Variants in CYP7B1 observed in about 807,000 individuals in gnomAD.
The protein encoded by CYP7B1 is cytochrome P450 7B1.
In CYP7B1, 29 loss-of-function variants were observed where a neutral mutation model predicts 42.7. The observed-to-expected ratio is 0.68, with a 90% CI of 0.51 to 0.93. The LOEUF is 0.93. Among genes scored for constraint, CYP7B1 ranks in the 40% least tolerant of loss-of-function variants. CYP7B1 has a pLI of 0.00. For synonymous variants in CYP7B1, 235 were observed against 218.2 expected (o/e 1.08, Z -0.68); for missense variants, 655 against 600.5 (o/e 1.09, Z -0.95).
At chr8:64,780,620 T>C (rs1325170573) in intron 1 of CYP7B1, among the ~76,000 whole-genome samples, 2 of 152,174 alleles carry the variant, frequency 1.3e-5, no homozygotes, top group African/African-American at 4.8e-5. Flanking sequence ...ATATAATAGA[T>C]GTCACCTTCT....
intron 1 of CYP7B1, among the ~76,000 whole-genome samples, chr8:64,703,009 A>AT (rs960050787): frequency 2.5e-5 from 2 of 79,230 alleles, no homozygotes; most frequent in Non-Finnish European, 5.1e-5. Flanking sequence ...ATACATCTAT[A>AT]TTTTTTTTCT....
rs183683935 is a variant in CYP7B1, at chr8:64,654,154, T to C, written c.123-29615A>G. 2.2e-4 allele frequency among the ~76,000 whole-genome samples: 34 copies of C among 152,264 alleles called. No individual in the cohort carries two copies. The East Asian group carries it at 5.8e-3, about 26-fold the overall frequency. On this transcript the variant is annotated intron_variant, in intron 1 of 5. Coordinates refer to ENST00000310193, the MANE Select transcript of CYP7B1 (RefSeq NM_004820.5). The stretch of plus-strand genomic sequence containing the variant: ...CTCACCACTCCTATTCAACATAGTA[T>C]TGGAAGTCCTAGCCAGAGTAATCAG...
At chr8:64,617,382 A>G (rs946354221) in intron 2 of CYP7B1, among the ~76,000 whole-genome samples, 10 of 152,148 alleles carry the variant, frequency 6.6e-5, no homozygotes, top group Non-Finnish European at 2.9e-5. Context: ...TTGCTTGTTT[A>G]CCATCTGCAT....
chr8:64,662,606 T>A (rs1806215784), intron 1 of CYP7B1, among the ~76,000 whole-genome samples: 1 of 152,214 alleles, frequency 6.6e-6, no homozygotes, highest in African/African-American at 2.4e-5. Context: ...AAAACCCCTA[T>A]TGTCTTGTTG....
rs149830576 is a variant in CYP7B1 at position 64,627,733 on chromosome 8, C to T, written c.123-3194G>A. 4.3e-3 allele frequency among the ~76,000 whole-genome samples: 653 copies of T among 152,294 alleles called. 5 individuals are homozygous for T. Among genetic ancestry groups the T allele is most frequent in the Non-Finnish European group, 7.6e-3 (520 of 68,018 alleles). On this transcript the variant is annotated intron_variant, in intron 1 of 5. Coordinates refer to ENST00000310193, the MANE Select transcript of CYP7B1 (RefSeq NM_004820.5). ...ATGAGAGGGTCATCATTTCTTACAG[C>T]TGTGTTTATTTTGGCAGCAGTAAGC...
At chr8:64,637,256 A>C (rs1805787078) in intron 1 of CYP7B1, among the ~76,000 whole-genome samples, 1 of 152,200 alleles carries the variant, frequency 6.6e-6, no homozygotes, top group African/African-American at 2.4e-5. Context: ...AGGATACTCT[A>C]GTTTACTGAA....
intron 1 of CYP7B1, among the ~76,000 whole-genome samples, chr8:64,653,502 T>C (rs1806071233): frequency 6.6e-6 from 1 of 152,120 alleles, no homozygotes; most frequent in South Asian, 2.1e-4. Flanking sequence ...ACTGAATCAG[T>C]AGTAAATAGC....
At chr8:64,646,750 T>A (rs1805959774) in intron 1 of CYP7B1, among the ~76,000 whole-genome samples, 1 of 152,228 alleles carries the variant, frequency 6.6e-6, no homozygotes, top group Non-Finnish European at 1.5e-5. Context: ...AGATGGTGTC[T>A]TTCCTTAAAC....
At chr8:64,587,666 TAAC>T (rs1804986922), downstream of CYP7B1, 2 of 152,220 alleles carry the variant, frequency 1.3e-5, no homozygotes, top group African/African-American at 2.4e-5. Context: ...TTACTCGTCT[TAAC>T]AAATCCAGGA....
intron 1 of CYP7B1, among the ~76,000 whole-genome samples, chr8:64,645,924 C>T (rs1211507101): frequency 1.3e-5 from 2 of 151,984 alleles, no homozygotes; most frequent in South Asian, 2.1e-4. Context: ...CTTTGACAAA[C>T]CTGAGGAAAA....
intron 1 of CYP7B1, among the ~76,000 whole-genome samples, chr8:64,763,647 TAAC>T (rs1807924620): frequency 6.6e-6 from 1 of 152,218 alleles, no homozygotes; most frequent in Non-Finnish European, 1.5e-5. Context: ...AAGGGCTTTC[TAAC>T]AACCCCCAAC....
intron 1 of CYP7B1, among the ~76,000 whole-genome samples, chr8:64,770,455 T>C (rs1804203142): frequency 6.6e-6 from 1 of 152,154 alleles, no homozygotes; most frequent in Non-Finnish European, 1.5e-5. Flanking sequence ...CCAAAGCTCT[T>C]TCCAGTATAT....
At chr8:64,654,883 C>A (rs1806098287) in intron 1 of CYP7B1, among the ~76,000 whole-genome samples, 1 of 152,158 alleles carries the variant, frequency 6.6e-6, no homozygotes, top group East Asian at 1.9e-4. Context: ...CTAAAGTCAT[C>A]TGATCTTTGA....
intron 2 of CYP7B1, among the ~76,000 whole-genome samples, chr8:64,616,658 C>T (rs906457278): frequency 4.6e-5 from 7 of 152,182 alleles, no homozygotes; most frequent in South Asian, 2.1e-4. Flanking sequence ...TGGCAACATG[C>T]CATTCCATTT....
intron 1 of CYP7B1, among the ~76,000 whole-genome samples, chr8:64,716,013 GT>G (rs1233670002): frequency 6.6e-6 from 1 of 152,106 alleles, no homozygotes; most frequent in Non-Finnish European, 1.5e-5. Context: ...GTTTATGCCT[GT>G]TTTTTATCTT....
chr8:64,614,931 C>T, intron 4 of CYP7B1, 95 bp downstream of exon 4: 1 of 1,174,222 alleles, frequency 8.5e-7, no homozygotes, highest in Non-Finnish European at 1.3e-6. Context: ...AATTAGGCAG[C>T]TGTGTCCTCT....
intron 1 of CYP7B1, among the ~76,000 whole-genome samples, chr8:64,744,892 T>C (rs1002543465): frequency 1.3e-5 from 2 of 152,204 alleles, no homozygotes; most frequent in Non-Finnish European, 1.5e-5. Context: ...TTACTAGGGC[T>C]TTATAGCGTA....
At chr8:64,749,425 TA>T (rs1281081388) in intron 1 of CYP7B1, among the ~76,000 whole-genome samples, 1 of 151,984 alleles carries the variant, frequency 6.6e-6, no homozygotes, top group Non-Finnish European at 1.5e-5. Flanking sequence ...ATGTAGAAAA[TA>T]GATTAGAAGG....
intron 1 of CYP7B1, among the ~76,000 whole-genome samples, chr8:64,782,615 G>C (rs189803300): frequency 2.6e-5 from 4 of 152,304 alleles, no homozygotes; most frequent in Non-Finnish European, 5.9e-5. Flanking sequence ...ATATTCTTCT[G>C]ATAGAGATAA....
Sources: gnomAD v4.1 joint callset for allele counts (sites outside exome capture counted in the v4.1 genomes callset) on GRCh38, gnomAD v4.1.1 for gene constraint, MANE v1.5 for transcripts, NCBI Gene and HGNC (gene_info 2026-07-23, HGNC 2026-07-21) for gene names.